Variants in TASP1 observed in about 807,000 individuals in gnomAD.
TASP1 encodes taspase 1.
Under a neutral mutation model 56.6 loss-of-function variants are expected in TASP1, and 16 were observed. That is an observed-to-expected ratio of 0.28 (90% CI 0.19 to 0.43). The LOEUF is 0.43. Ranked by LOEUF, TASP1 falls within the 20% of genes least tolerant of loss-of-function variation. The pLI is 1.00. For synonymous variants in TASP1, 179 were observed against 184.2 expected (o/e 0.97, Z 0.23); for missense variants, 393 against 511.6 (o/e 0.77, Z 2.24).
intron 1 of TASP1, among the ~76,000 whole-genome samples, chr20:13,633,771 C>T (rs1414351116): frequency 6.6e-6 from 1 of 151,458 alleles, no homozygotes; most frequent in African/African-American, 2.4e-5. Flanking sequence ...TTTGAGGTAA[C>T]ACTCAACACA....
chr20:13,587,482 A>G, intron 4 of TASP1, 112 bp from the exon 5 acceptor site: 1 of 832,244 alleles, frequency 1.2e-6, no homozygotes, highest in East Asian at 2.8e-5. Flanking sequence ...TTTCCAACAC[A>G]TAGTATGATG....
the TASP1 span, among the ~76,000 whole-genome samples, chr20:13,106,539 G>A: frequency 6.6e-6 from 1 of 152,154 alleles, no homozygotes; most frequent in Admixed American, 6.5e-5. Context: ...GGAGAATCAG[G>A]AGGCTGTGTG....
the TASP1 span, among the ~76,000 whole-genome samples, chr20:13,262,369 G>C: frequency 6.6e-6 from 1 of 152,106 alleles, no homozygotes; most frequent in South Asian, 2.1e-4. Flanking sequence ...CACCACAAGG[G>C]CTTTATCAAA....
chr20:13,357,518 C>T, the TASP1 span, among the ~76,000 whole-genome samples: 3 of 152,160 alleles, frequency 2.0e-5, no homozygotes, highest in Non-Finnish European at 1.5e-5. Context: ...CTCTGAGATT[C>T]TTTAAACCCC....
chr20:13,186,986 GT>G, the TASP1 span, among the ~76,000 whole-genome samples: 1 of 152,156 alleles, frequency 6.6e-6, no homozygotes, highest in Non-Finnish European at 1.5e-5. Context: ...AATGTAAAAA[GT>G]AACATGCAAG....
chr20:13,251,431 G>A, the TASP1 span, among the ~76,000 whole-genome samples: 19 of 152,296 alleles, frequency 1.2e-4, no homozygotes, highest in East Asian at 5.8e-4. Flanking sequence ...TCAAACATGC[G>A]TCGTGGAATC....
intron 11 of TASP1, among the ~76,000 whole-genome samples, chr20:13,443,042 C>T (rs1600812555): frequency 6.6e-6 from 1 of 152,244 alleles, no homozygotes; most frequent in Middle Eastern, 3.4e-3. Flanking sequence ...TATGTATGAA[C>T]TTTTTAACTT....
At chr20:13,595,299 T>C (rs1356493560) in intron 4 of TASP1, among the ~76,000 whole-genome samples, 4 of 152,198 alleles carry the variant, frequency 2.6e-5, no homozygotes, top group Admixed American at 2.0e-4. Flanking sequence ...CCATCAATGC[T>C]ATGAAGAAAC....
the TASP1 span, among the ~76,000 whole-genome samples, chr20:13,304,962 G>A: frequency 6.6e-6 from 1 of 151,910 alleles, no homozygotes; most frequent in African/African-American, 2.4e-5. Context: ...TGCTTCCAGG[G>A]GACCCCAAAC....
the TASP1 span, among the ~76,000 whole-genome samples, chr20:13,194,583 GTGTA>G: frequency 8.6e-4 from 102 of 118,800 alleles, no homozygotes; most frequent in African/African-American, 3.3e-3. Flanking sequence ...GTGTGTGTGT[GTGTA>G]TGTGTGTTTC....
At chr20:13,345,862 C>T in the TASP1 span, among the ~76,000 whole-genome samples, 3 of 150,820 alleles carry the variant, frequency 2.0e-5, no homozygotes, top group African/African-American at 7.3e-5. Flanking sequence ...GTCCCAGCCT[C>T]CTCACATACA....
the TASP1 span, among the ~76,000 whole-genome samples, chr20:13,353,635 G>T: frequency 6.6e-6 from 1 of 152,022 alleles, no homozygotes; most frequent in African/African-American, 2.4e-5. Context: ...TGGGTGATTT[G>T]CCCCCTACTG....
the TASP1 span, among the ~76,000 whole-genome samples, chr20:13,317,169 A>C: frequency 6.6e-6 from 1 of 151,948 alleles, no homozygotes; most frequent in African/African-American, 2.4e-5. Flanking sequence ...AATTCAAAAC[A>C]CAATACCATT....
chr20:13,393,407 G>T, intron 13 of TASP1: 1 of 754,198 alleles, frequency 1.3e-6, no homozygotes. Context: ...TTATGGACCT[G>T]ACCTACCGTC....
intron 11 of TASP1, among the ~76,000 whole-genome samples, chr20:13,441,617 G>C (rs1481295705): frequency 2.6e-5 from 4 of 152,218 alleles, no homozygotes; most frequent in Non-Finnish European, 4.4e-5. Flanking sequence ...TTTCAAGAGA[G>C]AGGCAGGGCC....
At chr20:13,606,980 C>A (rs1314008916) in intron 4 of TASP1, among the ~76,000 whole-genome samples, 1 of 151,988 alleles carries the variant, frequency 6.6e-6, no homozygotes, top group Non-Finnish European at 1.5e-5. Context: ...ACCCCTTAAG[C>A]AAGCTGATAC....
rs575852464 is a variant in TASP1, at chr20:13,466,721, A to G, written c.985+16506T>C. On this transcript the variant is annotated intron_variant, in intron 11 of 13. Coordinates refer to ENST00000337743, the MANE Select transcript of TASP1 (RefSeq NM_017714.3). ...GTACCACTGCACTCCAGCCTGGGCG[A>G]CAAAGCAAGACTCCATCTTAAAAGA... is the stretch of plus-strand genomic sequence containing the variant. 2.0e-4 allele frequency among the ~76,000 whole-genome samples: 31 copies of G among 152,338 alleles called. 3 individuals carry two copies. Among genetic ancestry groups the G allele is most frequent in the African/African-American group, 7.2e-4 (30 of 41,578 alleles).
chr20:13,281,316 C>G, the TASP1 span, among the ~76,000 whole-genome samples: 1 of 152,160 alleles, frequency 6.6e-6, no homozygotes, highest in African/African-American at 2.4e-5. Flanking sequence ...AAAGAGAACT[C>G]TAGAAGGGAT....
At position 13,390,118 on chromosome 20, in the gene TASP1, T is replaced by C; in HGVS notation, c.*242A>G. 4.9e-6 allele frequency: 2 copies of C among 412,266 alleles called. No homozygotes were observed. The highest frequency in any genetic ancestry group is 4.6e-5 in the East Asian group (1 of 21,882). 25.5% of individuals were successfully genotyped at this position (412,266 alleles called of 1,614,324 possible). ...TCATCCACGGAGAAGCAAACACACA[T>C]ACTCCACACATACACATATGTGCGC... is the stretch of plus-strand genomic sequence containing the variant. On this transcript the variant is annotated 3_prime_UTR_variant, in exon 14 of 14. Transcript: ENST00000337743.
Sources: gnomAD v4.1 joint callset for allele counts (sites outside exome capture counted in the v4.1 genomes callset) on GRCh38, gnomAD v4.1.1 for gene constraint, MANE v1.5 for transcripts, NCBI Gene and HGNC (gene_info 2026-07-23, HGNC 2026-07-21) for gene names.